TXNRD1: variants seen among roughly 807,000 people sequenced by gnomAD.
The protein encoded by TXNRD1 is thioredoxin reductase 1, cytoplasmic.
TXNRD1 carries 57 observed loss-of-function variants against 80.3 expected under a neutral mutation model. That is an observed-to-expected ratio of 0.71 (90% CI 0.57 to 0.89). TXNRD1 has a LOEUF of 0.89. Ranked by LOEUF, TXNRD1 falls within the 40% of genes least tolerant of loss-of-function variation. TXNRD1 has a pLI of 0.00. For missense variants in TXNRD1, 730 were observed against 803.0 expected (o/e 0.91, Z 1.10); for synonymous variants, 291 against 285.2 (o/e 1.02, Z -0.20).
chr12:104,286,608 C>A, intron 3 of TXNRD1: 1 of 536,252 alleles, frequency 1.9e-6, no homozygotes, highest in Non-Finnish European at 2.4e-6. Context: ...TTTTTAAACG[C>A]AGAGGCCCAG....
chr12:104,271,419 T>C (rs1408112122), intron 3 of TXNRD1, among the ~76,000 whole-genome samples: 2 of 152,032 alleles, frequency 1.3e-5, no homozygotes, highest in Admixed American at 6.6e-5. Context: ...CCTCGTGATC[T>C]GCCCGCCTTA....
intron 2 of TXNRD1, among the ~76,000 whole-genome samples, chr12:104,255,437 T>G (rs1229187604): frequency 1.3e-5 from 2 of 152,196 alleles, no homozygotes; most frequent in Non-Finnish European, 2.9e-5. Context: ...TTTACTTAAT[T>G]AAAACTAGCC....
chr12:104,304,441 T>G, intron 4 of TXNRD1: 1 of 1,613,992 alleles, frequency 6.2e-7, no homozygotes, highest in Non-Finnish European at 8.5e-7. Flanking sequence ...AGACATTCCA[T>G]TTTGTTTTTG....
intron 16 of TXNRD1, among the ~76,000 whole-genome samples, chr12:104,344,915 A>T (rs1180334660): frequency 6.6e-6 from 1 of 152,214 alleles, no homozygotes; most frequent in African/African-American, 2.4e-5. Flanking sequence ...AGGGGTTCAT[A>T]GGAGGAACTC....
At position 104,294,233 on chromosome 12, in the gene TXNRD1, G is replaced by GGCGCCCCCCCCCCCCCC. The variant is rs60817773; in HGVS notation, c.414+5193_414+5194insGCGCCCCCCCCCCCCCC. ...CTTCTCTAAACTCCCCCGGGGAAAGGCCCCCCCCCCCGCCGCCGGCTTTCC... is the reference window on the plus strand; with the variant it reads ...CTTCTCTAAACTCCCCCGGGGAAAGGGCGCCCCCCCCCCCCCCCCCCCCCCCCCGCCGCCGGCTTTCC... On this transcript the variant is annotated intron_variant, in intron 4 of 16. Transcript: ENST00000525566. Among the ~76,000 whole-genome samples, 4 of 68,884 alleles carry GGCGCCCCCCCCCCCCCC rather than the reference G, an allele frequency of 5.8e-5. 1 individual carries two copies. Among genetic ancestry groups the GGCGCCCCCCCCCCCCCC allele is most frequent in the African/African-American group, 1.8e-4 (3 of 16,784 alleles). 45.2% of individuals were successfully genotyped at this position (68,884 alleles called of 152,430 possible).
At chr12:104,285,090 G>T (rs746713372) in intron 3 of TXNRD1, among the ~76,000 whole-genome samples, 1 of 152,130 alleles carries the variant, frequency 6.6e-6, no homozygotes, top group Non-Finnish European at 1.5e-5. Flanking sequence ...CATGAGAATC[G>T]CTGGAAGCAG....
intron 1 of TXNRD1, among the ~76,000 whole-genome samples, chr12:104,219,647 G>A (rs2135672105): frequency 6.6e-6 from 1 of 152,316 alleles, no homozygotes; most frequent in South Asian, 2.1e-4. Context: ...ATTTTAATGA[G>A]CTTGCAAACA....
At chr12:104,309,275 G>A (rs555572021) in intron 4 of TXNRD1, among the ~76,000 whole-genome samples, 2 of 152,238 alleles carry the variant, frequency 1.3e-5, no homozygotes, top group South Asian at 4.1e-4. Flanking sequence ...TTTACCTACA[G>A]TGCTTAAAAA....
At chr12:104,304,531 C>T in intron 4 of TXNRD1, 1 of 1,613,964 alleles carries the variant, frequency 6.2e-7, no homozygotes, top group Non-Finnish European at 8.5e-7. Context: ...AAGAAAATGG[C>T]AACATGCCTA....
chr12:104,250,846 C>T (rs2033102574), intron 1 of TXNRD1, among the ~76,000 whole-genome samples: 1 of 151,920 alleles, frequency 6.6e-6, no homozygotes, highest in Admixed American at 6.6e-5. Flanking sequence ...AACATTTTTA[C>T]AAGTTGGAGG....
At position 104,321,309 on chromosome 12, in the gene TXNRD1, C is replaced by T; in HGVS notation, c.1208C>T (p.Pro403Leu). 6.2e-7 allele frequency: 1 copy of T among 1,613,504 alleles called. No individual in the cohort carries two copies. Among genetic ancestry groups the T allele is most frequent in the Non-Finnish European group, 8.5e-7 (1 of 1,179,584 alleles). The part of the protein sequence containing the change: ...HGIKFIRQFV[P>L]IKVEQIEAGT... ...ATCAAGTTTATAAGACAGTTCGTAC[C>T]AATTAAAGTAAGTGGGTTTGCCTGT... The change falls in exon 10 of 17, where the codon CCA becomes CTA. Residue 403 changes from proline (P) to leucine (L), a missense_variant. Transcript: ENST00000525566.
intron 2 of TXNRD1, among the ~76,000 whole-genome samples, chr12:104,254,746 G>GTTAAAGTGATTTAACTATGATTAAA (rs1555207890): frequency 5.4e-5 from 5 of 93,442 alleles, no homozygotes; most frequent in Non-Finnish European, 1.2e-4. Flanking sequence ...AGGAGTTAAA[G>GTTAAAGTGATTTAACTATGATTAAA]GTTACAGTGA....
intron 16 of TXNRD1, among the ~76,000 whole-genome samples, chr12:104,347,195 A>G (rs2036522423): frequency 6.6e-6 from 1 of 151,428 alleles, no homozygotes; most frequent in African/African-American, 2.4e-5. Context: ...TTTTTTGGAT[A>G]TGAATTATCC....
At chr12:104,256,770 C>T (rs1433514744) in intron 2 of TXNRD1, among the ~76,000 whole-genome samples, 6 of 83,370 alleles carry the variant, frequency 7.2e-5, no homozygotes, top group African/African-American at 3.3e-4. Flanking sequence ...AAGTGAGACT[C>T]TGTCTCAAAA....
At chr12:104,265,964 AAAAAG>A (rs1181497341) in intron 3 of TXNRD1, 5 of 622,286 alleles carry the variant, frequency 8.0e-6, no homozygotes, top group Non-Finnish European at 1.4e-5. Context: ...TTAAAAAAAA[AAAAAG>A]AAAAGAAATA....
chr12:104,288,957 C>T lies in TXNRD1; in HGVS notation c.331C>T (p.Leu111Phe). The change falls in exon 4 of 17, where the codon CTC becomes TTC. Residue 111 changes from leucine (L) to phenylalanine (F), a missense_variant. By Grantham distance (22) the Leu-to-Phe change is conservative. Transcript: ENST00000525566. The part of the protein sequence containing the change: ...TEDGRALEGT[L>F]SELAAETDLP... ...GGACGGTCGGGCCCTGGAAGGAACG[C>T]TCTCGGAATTGGCCGCGGAAACCGA... 6.2e-7 allele frequency: 1 copy of T among 1,614,032 alleles called. No homozygotes were observed. Among genetic ancestry groups the T allele is most frequent in the South Asian group, 1.1e-5 (1 of 91,078 alleles).
chr12:104,327,445 A>C, intron 12 of TXNRD1, 70 bp from the exon 13 acceptor site: 1 of 1,487,648 alleles, frequency 6.7e-7, no homozygotes, highest in Non-Finnish European at 9.0e-7. Flanking sequence ...TCCCTGAAAA[A>C]ACGGAAGATT....
intron 6 of TXNRD1, among the ~76,000 whole-genome samples, chr12:104,314,367 C>T (rs548517634): frequency 5.4e-4 from 82 of 152,214 alleles, no homozygotes; most frequent in African/African-American, 1.8e-3. Context: ...CCAGATAAGG[C>T]GATGTCACAA....
At chr12:104,279,529 G>T (rs2033831448) in intron 3 of TXNRD1, among the ~76,000 whole-genome samples, 1 of 152,098 alleles carries the variant, frequency 6.6e-6, no homozygotes, top group Admixed American at 6.5e-5. Flanking sequence ...GACCACAAAG[G>T]GCCTTGTAGA....
Sources: allele counts gnomAD v4.1 joint callset (sites outside exome capture counted in the v4.1 genomes callset), GRCh38; gene constraint gnomAD v4.1.1; transcripts MANE v1.5; gene names NCBI Gene and HGNC (gene_info 2026-07-23, HGNC 2026-07-21).